ABI3BP: variants seen among roughly 807,000 people sequenced by gnomAD.
ABI3BP encodes the protein target of Nesh-SH3.
Under a neutral mutation model 268.6 loss-of-function variants are expected in ABI3BP, and 216 were observed. The observed-to-expected ratio is 0.80, with a 90% confidence interval of 0.72 to 0.90. The LOEUF is 0.90. ABI3BP is among the 40% of genes least tolerant of loss of function. The pLI is 0.00. For synonymous variants in ABI3BP, 730 were observed against 730.0 expected (o/e 1.00, Z 0.00); for missense variants, 2,090 against 2,182.4 (o/e 0.96, Z 0.84).
In ABI3BP at chr3:100,843,455, G is replaced by T. The variant is rs138000648; in HGVS notation, c.1724-1416C>A. ...CTGTATGACAGAAGAGAGAAGGGAG[G>T]AGGGAGAGTGTGTGTATGTGTGAGA... On this transcript the variant is annotated intron_variant, in intron 20 of 67. Transcript: ENST00000471714. Among the ~76,000 whole-genome samples, 15 of 150,726 alleles carry T rather than the reference G, an allele frequency of 1.0e-4. No homozygotes were observed. The East Asian group carries it at 2.7e-3, about 28-fold the overall frequency.
Position 100,926,340 on chromosome 3 carries a change from G to T in ABI3BP, c.221C>A (p.Pro74His). The change falls in exon 2 of 68, where the codon CCT (proline) becomes CAT (histidine). Residue 74 changes from proline (P) to histidine (H), a missense_variant. Coordinates refer to ENST00000471714, the MANE Select transcript of ABI3BP (RefSeq NM_001375547.2). ...GSNVSPNQYF[P>H]LPAEGKFTEA... The stretch of plus-strand genomic sequence containing the variant: ...TGTGAATTTCCCTTCAGCGGGAAGA[G>T]GGAAGTACTGGTTTGGTGATACATT... 12 of 1,613,504 alleles carry T rather than the reference G, an allele frequency of 7.4e-6. No individual in the cohort carries two copies. The highest frequency in any genetic ancestry group is 9.3e-6 in the Non-Finnish European group (11 of 1,179,598).
chr3:100,829,787 C>G (rs1184336385), intron 32 of ABI3BP, 123 bp from the exon 33 acceptor site: 11 of 718,502 alleles, frequency 1.5e-5, no homozygotes, highest in Non-Finnish European at 2.3e-5. Flanking sequence ...AATATTTGCC[C>G]CTATTTCAAT....
chr3:100,979,012 A>G (rs2087790686), intron 1 of ABI3BP, among the ~76,000 whole-genome samples: 1 of 152,226 alleles, frequency 6.6e-6, no homozygotes, highest in African/African-American at 2.4e-5. Context: ...ATGTGATCCC[A>G]GGACCAGCAT....
intron 6 of ABI3BP, among the ~76,000 whole-genome samples, chr3:100,881,555 CAA>C (rs2039265473): frequency 6.6e-6 from 1 of 151,334 alleles, no homozygotes; most frequent in Non-Finnish European, 1.5e-5. Flanking sequence ...TACATTTTTT[CAA>C]AATATAGAAA....
intron 40 of ABI3BP, among the ~76,000 whole-genome samples, 188 bp from the exon 41 acceptor site, chr3:100,818,769 A>C (rs1479967806): frequency 6.6e-6 from 1 of 152,206 alleles, no homozygotes; most frequent in East Asian, 1.9e-4. Context: ...CACAGCCTAC[A>C]CAATTTGGCA....
At chr3:100,988,786 A>G (rs1322017081) in intron 1 of ABI3BP, among the ~76,000 whole-genome samples, 1 of 152,182 alleles carries the variant, frequency 6.6e-6, no homozygotes, top group East Asian at 1.9e-4. Flanking sequence ...TATACATCCA[A>G]TATAATTTGT....
intron 1 of ABI3BP, among the ~76,000 whole-genome samples, chr3:100,935,243 C>T (rs1353342698): frequency 1.3e-5 from 2 of 152,064 alleles, no homozygotes; most frequent in African/African-American, 4.8e-5. Flanking sequence ...GAATCCTTTC[C>T]CTATTTCTTG....
intron 6 of ABI3BP, among the ~76,000 whole-genome samples, chr3:100,884,311 T>C (rs1225933238): frequency 6.6e-6 from 1 of 151,974 alleles, no homozygotes; most frequent in Non-Finnish European, 1.5e-5. Flanking sequence ...GCCTAGGAAT[T>C]TACCTGCAAT....
Position 100,847,589 on chromosome 3 carries a change from A to T in ABI3BP, c.1648+13T>A. The T allele has an allele frequency of 6.3e-7, 1 of 1,597,918 alleles. No individual in the cohort carries two copies. Among genetic ancestry groups the T allele is most frequent in the Non-Finnish European group, 8.6e-7 (1 of 1,165,282 alleles). ...ATGAAGCAACACATCTACTAAGGAC[A>T]TATCATTATTACCCGGTGTTGTCCA... On this transcript the variant is annotated intron_variant, in intron 19 of 67. Coordinates refer to ENST00000471714, the MANE Select transcript of ABI3BP (RefSeq NM_001375547.2).
In ABI3BP at chr3:100,749,306, A is replaced by G; in HGVS notation, c.*1189T>C. The G allele has an allele frequency of 2.0e-5, 1 of 49,622 alleles. No individual in the cohort carries two copies. Among genetic ancestry groups the G allele is most frequent in the Non-Finnish European group, 3.7e-5 (1 of 27,338 alleles). The allele number at this position is 49,622 out of a possible 1,614,324, so 3.1% of individuals were successfully genotyped here. On this transcript the variant is annotated 3_prime_UTR_variant, in exon 68 of 68. Coordinates refer to ENST00000471714, the MANE Select transcript of ABI3BP (RefSeq NM_001375547.2). The stretch of plus-strand genomic sequence containing the variant: ...GGTATAGTTAACATACTGATGAACC[A>G]TTCAGAAATAACAAACAAAAACTCA...
At chr3:100,839,495 T>G in intron 24 of ABI3BP, 74 bp downstream of exon 24, 1 of 1,439,482 alleles carries the variant, frequency 6.9e-7, no homozygotes, top group Non-Finnish European at 9.4e-7. Flanking sequence ...ACTGCAGTCA[T>G]GCCTGTAATG....
At chr3:100,873,535 C>T (rs2153233915) in intron 9 of ABI3BP, among the ~76,000 whole-genome samples, 2 of 152,272 alleles carry the variant, frequency 1.3e-5, no homozygotes, top group South Asian at 4.1e-4. Flanking sequence ...TGGATGCATG[C>T]TCTTGATAAC....
chr3:100,830,504 G>A, intron 32 of ABI3BP, 74 bp downstream of exon 32: 1 of 1,271,358 alleles, frequency 7.9e-7, no homozygotes, highest in Non-Finnish European at 1.1e-6. Context: ...GGGAGAAGCT[G>A]TGGTTATGAT....
At position 100,752,838 on chromosome 3, in the gene ABI3BP, G is replaced by T; in HGVS notation, c.5071C>A (p.Gln1691Lys). Reference sequence around the variant, plus strand: ...TTGTATCTGAGAGAGTTGCACAGCTGCACTCCTACAAATTTTTTATACCAT... The same window carrying T: ...TTGTATCTGAGAGAGTTGCACAGCTTCACTCCTACAAATTTTTTATACCAT... The part of the protein sequence containing the change: ...RTWYKKFVGV[Q>K]LCNSLRYKIY... Residue 1691 changes from glutamine (Q) to lysine (K), a missense_variant, in exon 66 of 68, where the codon CAG becomes AAG. By Grantham distance (53) the Gln-to-Lys change is moderately conservative (BLOSUM62 1). Transcript: ENST00000471714. 1 of 1,613,434 alleles carries T rather than the reference G, an allele frequency of 6.2e-7. No homozygotes were observed. The highest frequency in any genetic ancestry group is 8.5e-7 in the Non-Finnish European group (1 of 1,179,688).
chr3:100,819,677 C>T (rs1338803658), intron 40 of ABI3BP, among the ~76,000 whole-genome samples: 3 of 151,882 alleles, frequency 2.0e-5, no homozygotes, highest in Non-Finnish European at 4.4e-5. Flanking sequence ...AGAGGCCGGG[C>T]GTGGTGGCTT....
chr3:100,862,788 A>G, intron 13 of ABI3BP, 50 bp downstream of exon 13: 1 of 1,300,140 alleles, frequency 7.7e-7, no homozygotes, highest in Non-Finnish European at 1.1e-6. Context: ...TGCAGAATTA[A>G]GCAATCACCA....
Position 100,823,472 on chromosome 3 carries a change from G to T in ABI3BP, c.2789C>A (p.Ala930Asp). The T allele has an allele frequency of 6.5e-7, 1 of 1,534,472 alleles. No individual in the cohort carries two copies. Among genetic ancestry groups the T allele is most frequent in the Non-Finnish European group, 8.7e-7 (1 of 1,146,066 alleles). The change falls in exon 37 of 68, where the codon GCC becomes GAC. Residue 930 changes from alanine to aspartate, a missense_variant. Transcript: ENST00000471714. ...ATCAACGTTACCTAATGTTGTTGAG[G>T]CCTCAGGTCTAAGAGTGACAGGTTC... Reference protein sequence around the residue: ...VLEPVTLRPEASTTLASKTSQ... With the variant: ...VLEPVTLRPEDSTTLASKTSQ...
intron 51 of ABI3BP, among the ~76,000 whole-genome samples, chr3:100,798,993 T>C (rs2097441314): frequency 6.6e-6 from 1 of 151,888 alleles, no homozygotes; most frequent in Non-Finnish European, 1.5e-5. Context: ...CCACCCTCCC[T>C]TCTATCTCAT....
At chr3:100,912,472 A>G (rs2057088078) in intron 2 of ABI3BP, among the ~76,000 whole-genome samples, 1 of 152,086 alleles carries the variant, frequency 6.6e-6, no homozygotes, top group South Asian at 2.1e-4. Flanking sequence ...AATTTGATGA[A>G]ATAAGGTAAT....
Sources: allele counts gnomAD v4.1 joint callset (sites outside exome capture counted in the v4.1 genomes callset), GRCh38; gene constraint gnomAD v4.1.1; transcripts MANE v1.5; gene names NCBI Gene and HGNC (gene_info 2026-07-23, HGNC 2026-07-21).